The following CCSER1 variants were observed in gnomAD, a reference collection of about 807,000 sequenced individuals.
CCSER1 encodes the protein coiled-coil serine rich protein 1, also known as serine-rich coiled-coil domain-containing protein 1.
CCSER1 carries 41 observed loss-of-function variants against 82.0 expected under a neutral mutation model. The observed-to-expected ratio is 0.50, with a 90% CI of 0.39 to 0.65. The LOEUF (loss-of-function observed/expected upper bound fraction) is 0.65. CCSER1 is among the 30% of genes least tolerant of loss of function. CCSER1 has a pLI of 0.00. For synonymous variants in CCSER1, 414 were observed against 383.9 expected (o/e 1.08, Z -0.92); for missense variants, 1,119 against 1,064.2 (o/e 1.05, Z -0.72).
intron 1 of CCSER1, among the ~76,000 whole-genome samples, chr4:90,146,363 G>A (rs1350217970): frequency 6.6e-6 from 1 of 151,986 alleles, no homozygotes; most frequent in Non-Finnish European, 1.5e-5. Flanking sequence ...TTGTTCTCAT[G>A]TTTAAATTTA....
intron 1 of CCSER1, among the ~76,000 whole-genome samples, chr4:90,260,436 A>G (rs920227210): frequency 6.6e-6 from 1 of 152,138 alleles, no homozygotes; most frequent in Non-Finnish European, 1.5e-5. Flanking sequence ...TGGGAGCTCC[A>G]GTGTTAGTTG....
intron 10 of CCSER1, among the ~76,000 whole-genome samples, chr4:91,404,374 T>A (rs1379761218): frequency 1.3e-5 from 2 of 152,072 alleles, no homozygotes; most frequent in Non-Finnish European, 2.9e-5. Context: ...TCTTGAAGGG[T>A]TTTTTTCTGT....
chr4:90,819,703 T>C (rs544025712), intron 8 of CCSER1, among the ~76,000 whole-genome samples: 1 of 152,346 alleles, frequency 6.6e-6, no homozygotes, highest in Non-Finnish European at 1.5e-5. Context: ...AATTTATTCC[T>C]TCTTTTTAAA....
chr4:90,237,381 G>GT (rs1267187109), intron 1 of CCSER1, among the ~76,000 whole-genome samples: 2 of 152,038 alleles, frequency 1.3e-5, no homozygotes, highest in Non-Finnish European at 2.9e-5. Flanking sequence ...TGTGCTTAGA[G>GT]TTTTTTTCCT....
chr4:90,881,192 C>A (rs1561297656), intron 8 of CCSER1, among the ~76,000 whole-genome samples: 1 of 152,032 alleles, frequency 6.6e-6, no homozygotes, highest in Non-Finnish European at 1.5e-5. Context: ...ATTTTACACT[C>A]TTAAATATCA....
At chr4:91,596,489 T>C (rs551521812) in intron 10 of CCSER1, among the ~76,000 whole-genome samples, 5 of 152,154 alleles carry the variant, frequency 3.3e-5, no homozygotes, top group Admixed American at 2.6e-4. Context: ...GAGCACAAGG[T>C]TGATTTGGGG....
At chr4:91,054,716 C>T (rs541266032) in intron 9 of CCSER1, among the ~76,000 whole-genome samples, 258 of 143,152 alleles carry the variant, frequency 1.8e-3, no homozygotes, top group African/African-American at 6.1e-3. Flanking sequence ...TTTTTTGGGG[C>T]GGTGGGGTTG....
chr4:90,128,707 G>A (rs1722291841), intron 1 of CCSER1, among the ~76,000 whole-genome samples: 1 of 152,100 alleles, frequency 6.6e-6, no homozygotes, highest in South Asian at 2.1e-4. Flanking sequence ...CTGCGTGCGT[G>A]GAGGCTGAGC....
intron 10 of CCSER1, among the ~76,000 whole-genome samples, chr4:91,266,346 G>A (rs892433379): frequency 2.0e-5 from 3 of 151,776 alleles, no homozygotes; most frequent in Non-Finnish European, 2.9e-5. Context: ...TCCGCCTCCT[G>A]GGTTCACGCC....
At chr4:91,313,311 T>C (rs545396029) in intron 10 of CCSER1, among the ~76,000 whole-genome samples, 1 of 152,060 alleles carries the variant, frequency 6.6e-6, no homozygotes, top group East Asian at 1.9e-4. Context: ...TTAAATACTT[T>C]TGTCTTTTTG....
At chr4:90,284,976 A>T (rs1201909653) in intron 1 of CCSER1, among the ~76,000 whole-genome samples, 2 of 151,954 alleles carry the variant, frequency 1.3e-5, no homozygotes, top group Non-Finnish European at 2.9e-5. Context: ...TGGGTTCTCT[A>T]TTCTGTTCAA....
intron 8 of CCSER1, among the ~76,000 whole-genome samples, chr4:90,894,767 A>G (rs1447369130): frequency 6.6e-6 from 1 of 151,920 alleles, no homozygotes; most frequent in Non-Finnish European, 1.5e-5. Context: ...GGTTCTACTC[A>G]TCATTCACCA....
At chr4:91,312,354 G>A (rs1447983865) in intron 10 of CCSER1, among the ~76,000 whole-genome samples, 1 of 151,688 alleles carries the variant, frequency 6.6e-6, no homozygotes, top group Non-Finnish European at 1.5e-5. Flanking sequence ...TAAGAGTGAT[G>A]AGACATGTAT....
At position 90,750,430 on chromosome 4, in the gene CCSER1, A is replaced by T. The variant is rs142233827; in HGVS notation, c.2010+26439A>T. Among the ~76,000 whole-genome samples, 5 of 152,178 alleles carry T rather than the reference A, an allele frequency of 3.3e-5. No individual in the cohort carries two copies. In the East Asian group the frequency reaches 9.7e-4, roughly 29 times the overall value. On this transcript the variant is annotated intron_variant, in intron 7 of 10. Coordinates refer to ENST00000509176, the MANE Select transcript of CCSER1 (RefSeq NM_001145065.2). ...GCCCCATCTTTACTCCCACTTTGTT[A>T]GGTGCACAGCTTTTCTAAGGTCCCA... is the stretch of plus-strand genomic sequence containing the variant.
intron 3 of CCSER1, among the ~76,000 whole-genome samples, chr4:90,362,386 A>G (rs776319433): frequency 4.6e-5 from 7 of 152,222 alleles, no homozygotes; most frequent in Non-Finnish European, 8.8e-5. Context: ...TCCAGAATTT[A>G]AGAAAACATT....
chr4:90,728,654 G>A (rs2149393325), intron 7 of CCSER1, among the ~76,000 whole-genome samples: 1 of 152,156 alleles, frequency 6.6e-6, no homozygotes, highest in Admixed American at 6.5e-5. Context: ...TAGCAATATA[G>A]GGAGACCCCC....
chr4:90,985,267 G>A (rs984624602), intron 9 of CCSER1, among the ~76,000 whole-genome samples: 1 of 151,342 alleles, frequency 6.6e-6, no homozygotes, highest in African/African-American at 2.4e-5. Context: ...TCTTTTCTCT[G>A]CCTCTTTTTA....
chr4:91,483,296 G>A (rs527563180), intron 10 of CCSER1, among the ~76,000 whole-genome samples: 16 of 152,304 alleles, frequency 1.1e-4, no homozygotes, highest in Admixed American at 3.9e-4. Context: ...TACATTTCTA[G>A]CAATGTAATG....
chr4:91,367,557 T>G (rs541286560), intron 10 of CCSER1, among the ~76,000 whole-genome samples: 1 of 152,052 alleles, frequency 6.6e-6, no homozygotes, highest in Admixed American at 6.6e-5. Context: ...TCTTTTTATG[T>G]TTGCCCTCTT....
Sources: gnomAD v4.1 joint callset for allele counts (sites outside exome capture counted in the v4.1 genomes callset) on GRCh38, gnomAD v4.1.1 for gene constraint, MANE v1.5 for transcripts, NCBI Gene and HGNC (gene_info 2026-07-23, HGNC 2026-07-21) for gene names.